The following LTBP1 variants were observed in gnomAD, a reference collection of about 807,000 sequenced individuals.
LTBP1 encodes the protein latent-transforming growth factor beta-binding protein 1.
A neutral mutation model predicts 207.6 loss-of-function variants in LTBP1; 129 were observed. The observed-to-expected ratio is 0.62, with a 90% confidence interval of 0.54 to 0.72. The LOEUF (loss-of-function observed/expected upper bound fraction) is 0.72, where lower values mean the gene tolerates loss of function less well. Among genes scored for constraint, LTBP1 ranks in the 30% least tolerant of loss-of-function variants. LTBP1 has a pLI of 0.00. For missense variants in LTBP1, 2,281 were observed against 2,217.2 expected, an observed-to-expected ratio of 1.03 and a Z score of -0.58; for synonymous variants, 963 against 833.7, an observed-to-expected ratio of 1.16 and a Z score of -2.67.
chr2:33,285,035 C>CTTTTTTTTTT (rs934497674), intron 19 of LTBP1, among the ~76,000 whole-genome samples: 1 of 120,124 alleles, frequency 8.3e-6, no homozygotes, highest in Non-Finnish European at 1.7e-5. Flanking sequence ...GTATCACATT[C>CTTTTTTTTTT]TTTTTTTTTT....
In LTBP1 at chr2:32,947,577, C is replaced by A. The variant is rs1676374836; in HGVS notation, c.253C>A (p.Arg85=). 2 of 1,327,034 alleles carry A rather than the reference C, an allele frequency of 1.5e-6. No homozygotes were observed. Among genetic ancestry groups the A allele is most frequent in the Non-Finnish European group, 1.9e-6 (2 of 1,042,752 alleles). 82.2% of individuals were successfully genotyped at this position (1,327,034 alleles called of 1,614,324 possible). Residue 85 remains arginine, a synonymous_variant, in exon 1 of 34, where the codon CGG becomes AGG. Transcript: ENST00000404816. The part of the protein sequence containing the change: ...ASPGVPSERT[R]RTSKPGGAAL... Reference sequence around the variant, plus strand: ...CCCCGGGGTCCCCTCGGAGAGGACCCGGCGCACGAGCAAGCCGGGCGGCGC... The same window carrying A: ...CCCCGGGGTCCCCTCGGAGAGGACCAGGCGCACGAGCAAGCCGGGCGGCGC...
intron 3 of LTBP1, among the ~76,000 whole-genome samples, chr2:33,073,937 G>A (rs1241053565): frequency 6.6e-6 from 1 of 152,086 alleles, no homozygotes; most frequent in Non-Finnish European, 1.5e-5. Context: ...CATTTTTGCT[G>A]AGTTCAGTAT....
chr2:33,355,596 A>C (rs1006476034), intron 26 of LTBP1, among the ~76,000 whole-genome samples: 1 of 152,162 alleles, frequency 6.6e-6, no homozygotes, highest in African/African-American at 2.4e-5. Context: ...GGCTGGGCCC[A>C]CTGTACTTTA....
chr2:33,124,950 A>G (rs1000122337), intron 4 of LTBP1, among the ~76,000 whole-genome samples: 1 of 152,142 alleles, frequency 6.6e-6, no homozygotes, highest in African/African-American at 2.4e-5. Flanking sequence ...TCTTATTATC[A>G]GTTTCTTTGT....
chr2:33,386,531 A>G (rs2095266661), intron 31 of LTBP1, among the ~76,000 whole-genome samples: 1 of 152,176 alleles, frequency 6.6e-6, no homozygotes, highest in African/African-American at 2.4e-5. Flanking sequence ...CACTTTATAA[A>G]ATAAGTACCT....
chr2:33,114,567 C>T (rs2080623799), intron 4 of LTBP1, among the ~76,000 whole-genome samples: 1 of 152,116 alleles, frequency 6.6e-6, no homozygotes, highest in Non-Finnish European at 1.5e-5. Flanking sequence ...CCCCACCAAC[C>T]CACCCTCCAG....
chr2:32,995,861 T>C (rs1483837446), intron 2 of LTBP1, among the ~76,000 whole-genome samples: 1 of 152,134 alleles, frequency 6.6e-6, no homozygotes, highest in Non-Finnish European at 1.5e-5. Context: ...ATACATTATC[T>C]CTTGCCCTCT....
intron 2 of LTBP1, among the ~76,000 whole-genome samples, chr2:33,007,581 GAGAA>G (rs922531942): frequency 6.6e-6 from 1 of 152,214 alleles, no homozygotes; most frequent in African/African-American, 2.4e-5. Context: ...GGTTAAATGT[GAGAA>G]AGAAAGAACA....
Position 33,000,857 on chromosome 2 carries a change from A to AG in LTBP1, c.566-20045dup, listed in dbSNP as rs1170142286. Reference sequence around the variant, plus strand: ...GAGGAGAACCAAGGTTGTTGACAGGAGGGGGGGTTCAAACACTCAACCCGC... The same window carrying AG: ...GAGGAGAACCAAGGTTGTTGACAGGAGGGGGGGGTTCAAACACTCAACCCGC... On this transcript the variant is annotated intron_variant, in intron 2 of 33. Coordinates refer to ENST00000404816, the MANE Select transcript of LTBP1 (RefSeq NM_206943.4). Among the ~76,000 whole-genome samples, 8 of 134,332 alleles carry AG rather than the reference A, an allele frequency of 6.0e-5. 3 individuals carry two copies. In the South Asian group the frequency reaches 8.0e-4, roughly 13 times the overall value. 88.1% of individuals were successfully genotyped at this position (134,332 alleles called of 152,430 possible).
At chr2:33,151,210 C>T (rs1012017746) in intron 5 of LTBP1, among the ~76,000 whole-genome samples, 1 of 151,992 alleles carries the variant, frequency 6.6e-6, no homozygotes, top group Non-Finnish European at 1.5e-5. Context: ...TGCTATGAGC[C>T]CTGATGTATA....
intron 2 of LTBP1, among the ~76,000 whole-genome samples, chr2:32,964,980 C>T (rs1679725658): frequency 6.6e-6 from 1 of 152,028 alleles, no homozygotes; most frequent in Non-Finnish European, 1.5e-5. Context: ...GTGGAGGTTG[C>T]AGTGAGCTGA....
intron 33 of LTBP1, 46 bp downstream of exon 33, chr2:33,397,328 C>G: frequency 1.3e-6 from 2 of 1,599,616 alleles, no homozygotes; most frequent in Non-Finnish European, 1.7e-6. Flanking sequence ...TTTCCTGACA[C>G]CCCGTATCTC....
At chr2:33,197,564 A>G (rs1050914521) in intron 7 of LTBP1, among the ~76,000 whole-genome samples, 9 of 152,324 alleles carry the variant, frequency 5.9e-5, no homozygotes, top group South Asian at 2.1e-4. Flanking sequence ...ATAAAAATCA[A>G]TTGTATAAGG....
intron 18 of LTBP1, among the ~76,000 whole-genome samples, chr2:33,278,001 T>G (rs940821603): frequency 1.3e-5 from 2 of 151,186 alleles, no homozygotes; most frequent in Non-Finnish European, 2.9e-5. Flanking sequence ...GGCTAATTTT[T>G]TTTTCTATTT....
intron 2 of LTBP1, among the ~76,000 whole-genome samples, chr2:32,982,256 C>G (rs890912874): frequency 6.6e-6 from 1 of 152,158 alleles, no homozygotes. Context: ...TGGCATTTTG[C>G]TTTTGCCCTA....
At chr2:33,318,934 A>G (rs1206118634) in intron 24 of LTBP1, among the ~76,000 whole-genome samples, 6 of 151,988 alleles carry the variant, frequency 3.9e-5, no homozygotes, top group Non-Finnish European at 8.8e-5. Flanking sequence ...GTCTCTACAA[A>G]GAAAAATTTT....
At chr2:32,971,177 T>C (rs143140739) in intron 2 of LTBP1, among the ~76,000 whole-genome samples, 8 of 152,260 alleles carry the variant, frequency 5.3e-5, no homozygotes, top group Non-Finnish European at 1.2e-4. Context: ...ATTTATCACA[T>C]CTAGGAGTTT....
intron 15 of LTBP1, among the ~76,000 whole-genome samples, chr2:33,266,196 C>T (rs774442738): frequency 1.3e-5 from 2 of 152,226 alleles, no homozygotes; most frequent in African/African-American, 2.4e-5. Flanking sequence ...AGTGCTATTG[C>T]AACCCAGCCA....
At chr2:33,175,571 T>G (rs566241187) in intron 5 of LTBP1, among the ~76,000 whole-genome samples, 5 of 152,260 alleles carry the variant, frequency 3.3e-5, no homozygotes, top group East Asian at 1.9e-4. Flanking sequence ...GTAAACTAGT[T>G]CAACCATTGT....
Sources: allele counts gnomAD v4.1 joint callset (sites outside exome capture counted in the v4.1 genomes callset), GRCh38; gene constraint gnomAD v4.1.1; transcripts MANE v1.5; gene names NCBI Gene and HGNC (gene_info 2026-07-23, HGNC 2026-07-21).